Variants in TUFM observed in about 807,000 individuals in gnomAD.
TUFM encodes Tu translation elongation factor, mitochondrial.
A neutral mutation model predicts 45.0 loss-of-function variants in TUFM; 23 were observed. The ratio of observed to expected loss-of-function variants is 0.51; its 90% CI spans 0.37 to 0.72. The LOEUF (loss-of-function observed/expected upper bound fraction) is 0.72, where lower values mean the gene tolerates loss of function less well. TUFM is among the 30% of genes least tolerant of loss of function. The pLI is 0.00. For synonymous variants in TUFM, 243 were observed against 252.9 expected (o/e 0.96, Z 0.37); for missense variants, 490 against 610.7 (o/e 0.80, Z 2.08).
chr16:28,843,000 T>C lies in TUFM; in HGVS notation c.1343A>G (p.Glu448Gly), dbSNP rs940014270. Reference protein sequence around the residue: ...LVTNTLAMTEEEKNIKWG With the variant: ...LVTNTLAMTEGEKNIKWG ...TCAACCCCATTTGATATTCTTCTCC[T>C]CCTCAGTCATGGCCAGCGTGTTGGT... Residue 448 changes from glutamate to glycine, a missense_variant, in exon 10 of 10, where the codon GAG becomes GGG. Transcript: ENST00000313511. 1 of 1,614,174 alleles carries C rather than the reference T, an allele frequency of 6.2e-7. No individual in the cohort carries two copies. Among genetic ancestry groups the C allele is most frequent in the South Asian group, 1.1e-5 (1 of 91,074 alleles).
Position 28,844,911 on chromosome 16 carries a change from C to T in TUFM, c.519+40G>A. On this transcript the variant is annotated intron_variant, in intron 4 of 9. Coordinates refer to ENST00000313511, the MANE Select transcript of TUFM (RefSeq NM_003321.5). This position sits in a 1 kb window ranked among gnomAD's most constrained non-coding sequence, Gnocchi z 5.8. ...ACAATATACAGAGGGGCCCAACTCC[C>T]CACTCTTCCCTTTTGCATCCTTACC... 7 of 1,614,114 alleles carry T rather than the reference C, an allele frequency of 4.3e-6. No individual in the cohort carries two copies. The highest frequency in any genetic ancestry group is 5.9e-6 in the Non-Finnish European group (7 of 1,180,000).
In TUFM at chr16:28,842,841, G is replaced by T; in HGVS notation, c.*134C>A. ...CCCAGCCAGGCAGGCCAACCCTTCCGAGCAGGGGAAATGTCCATCTAGCTG... is the reference window on the plus strand; with the variant it reads ...CCCAGCCAGGCAGGCCAACCCTTCCTAGCAGGGGAAATGTCCATCTAGCTG... On this transcript the variant is annotated 3_prime_UTR_variant, in exon 10 of 10. Transcript: ENST00000313511. The T allele has an allele frequency of 8.3e-7, 1 of 1,211,918 alleles. No individual in the cohort carries two copies. The highest frequency in any genetic ancestry group is 1.2e-6 in the Non-Finnish European group (1 of 823,938). The allele number at this position is 1,211,918 out of a possible 1,614,324, so 75.1% of individuals were successfully genotyped here. A position where few individuals can be genotyped will look rare whatever the true frequency, so the allele number is the denominator to read the frequency against.
At position 28,845,986 on chromosome 16, in the gene TUFM, T is replaced by C. The variant is rs1330896867; in HGVS notation, c.173A>G (p.Lys58Arg). 1.9e-6 allele frequency: 3 copies of C among 1,614,084 alleles called. No individual in the cohort carries two copies. The highest frequency in any genetic ancestry group is 1.7e-6 in the Non-Finnish European group (2 of 1,180,032). Residue 58 changes from lysine to arginine, a missense_variant, in exon 2 of 10, where the codon AAG becomes AGG. Physicochemically the swap from Lys to Arg is conservative, Grantham distance 26. Coordinates refer to ENST00000313511, the MANE Select transcript of TUFM (RefSeq NM_003321.5). ...VEAKKTYVRD[K>R]PHVNVGTIGH... ...GATGGTACCCACATTCACATGTGGC[T>C]TGTCGCGCACGTAAGTCTTCTTGGC...
At position 28,846,250 on chromosome 16, in the gene TUFM, G is replaced by C; in HGVS notation, c.20C>G (p.Ala7Gly). 2 of 1,565,004 alleles carry C rather than the reference G, an allele frequency of 1.3e-6. No individual in the cohort carries two copies. Among genetic ancestry groups the C allele is most frequent in the South Asian group, 1.2e-5 (1 of 85,794 alleles). Residue 7 changes from alanine (A) to glycine (G), a missense_variant, in exon 1 of 10, where the codon GCC becomes GGC. Physicochemically the swap from Ala to Gly is moderately conservative, Grantham distance 60 (BLOSUM62 0). Coordinates refer to ENST00000313511, the MANE Select transcript of TUFM (RefSeq NM_003321.5). MTTMAAATLLRATPHFS... is the reference protein window; with the variant it reads MTTMAAGTLLRATPHFS... Reference sequence around the variant, plus strand: ...GTGGGGCGTCGCGCGCAGCAGGGTGGCGGCCGCCATTGTGGTCATACTCGC... The same window carrying C: ...GTGGGGCGTCGCGCGCAGCAGGGTGCCGGCCGCCATTGTGGTCATACTCGC...
At position 28,842,765 on chromosome 16, in the gene TUFM, A is replaced by G. The variant is rs1961834328; in HGVS notation, c.*210T>C. 3.0e-6 allele frequency: 2 copies of G among 656,448 alleles called. No homozygotes were observed. Among genetic ancestry groups the G allele is most frequent in the African/African-American group, 1.8e-5 (1 of 55,804 alleles). The allele number at this position is 656,448 out of a possible 1,614,324, so 40.7% of individuals were successfully genotyped here. A position where few individuals can be genotyped will look rare whatever the true frequency, so the allele number is the denominator to read the frequency against. ...TCCTCCCCTATCCTCTCCAATTTGC[A>G]CAAAGGACACAGGACACAGGCTGGC... is the stretch of plus-strand genomic sequence containing the variant. On this transcript the variant is annotated 3_prime_UTR_variant, in exon 10 of 10. Transcript: ENST00000313511.
At chr16:28,845,176 A>G in intron 3 of TUFM, 121 bp from the exon 4 acceptor site, 1 of 1,562,356 alleles carries the variant, frequency 6.4e-7, no homozygotes, top group Non-Finnish European at 8.8e-7. Context: ...CTCACCACCC[A>G]TTCTGCGTGG....
Position 28,844,443 on chromosome 16 carries a change from C to A in TUFM, c.793G>T (p.Val265Leu). ...CCAGGGACGGAGTACACCGCCTCCA[C>A]AGGCAGCAGGAAAGGCTTCTCCAGG... is the stretch of plus-strand genomic sequence containing the variant. ...RDLEKPFLLP[V>L]EAVYSVPGRG... Residue 265 changes from valine to leucine, a missense_variant, in exon 6 of 10, where the codon GTG becomes TTG. Transcript: ENST00000313511. The surrounding 1 kb of genome is among the most constrained non-coding windows in gnomAD (Gnocchi z 5.8). The A allele has an allele frequency of 6.2e-7, 1 of 1,614,198 alleles. No homozygotes were observed. Among genetic ancestry groups the A allele is most frequent in the South Asian group, 1.1e-5 (1 of 91,080 alleles).
At position 28,844,117 on chromosome 16, in the gene TUFM, A is replaced by G. The variant is rs765178216; in HGVS notation, c.923-16T>C. The G allele has an allele frequency of 5.0e-6, 8 of 1,614,114 alleles. No homozygotes were observed. Among genetic ancestry groups the G allele is most frequent in the South Asian group, 1.1e-5 (1 of 91,080 alleles). ...ATCTCAATGCCTAGGACGGAAAGGG[A>G]AAAGGAGCAGGGAGAAGGAAGGCGA... On this transcript the variant is annotated splice_polypyrimidine_tract_variant and intron_variant, in intron 7 of 9. Transcript: ENST00000313511. The surrounding 1 kb of genome is among the most constrained non-coding windows in gnomAD (Gnocchi z 5.8).
In TUFM at chr16:28,843,103, G is replaced by A; in HGVS notation, c.1240C>T (p.Arg414Trp). The A allele has an allele frequency of 8.1e-6, 13 of 1,614,196 alleles. No homozygotes were observed. The highest frequency in any genetic ancestry group is 1.1e-5 in the Non-Finnish European group (13 of 1,180,044). The change falls in exon 10 of 10, where the codon CGG becomes TGG. Residue 414 changes from arginine (R) to tryptophan (W), a missense_variant. Physicochemically the swap from Arg to Trp is moderately radical, Grantham distance 101. Transcript: ENST00000313511. ...GEDLKFNLIL[R>W]QPMILEKGQR... ...CCTTTCTCTAAGATCATTGGCTGCCGCAAGATTAGGTTGAACTTCAGGTCC... is the reference window on the plus strand; with the variant it reads ...CCTTTCTCTAAGATCATTGGCTGCCACAAGATTAGGTTGAACTTCAGGTCC...
rs1450884426 is a variant in TUFM, at chr16:28,843,971, G to A, written c.1053C>T (p.Pro351=). ...LVMVKPGSIK[P]HQKVEAQVYI... ...TCACCTGGGCCTCCACCTTCTGGTG[G>A]GGCTTGATGGAACCTGGCTTGACCA... Residue 351 remains proline (P), a synonymous_variant, in exon 8 of 10, where the codon CCC becomes CCT. Transcript: ENST00000313511. 6.2e-7 allele frequency: 1 copy of A among 1,614,170 alleles called. No homozygotes were observed. Among genetic ancestry groups the A allele is most frequent in the Non-Finnish European group, 8.5e-7 (1 of 1,180,016 alleles).
Position 28,843,738 on chromosome 16 carries a change from T to C in TUFM, c.1192A>G (p.Lys398Glu). Residue 398 changes from lysine to glutamate, a missense_variant and splice_region_variant, in exon 9 of 10, where the codon AAG becomes GAG. By Grantham distance (56) the Lys-to-Glu change is moderately conservative. Coordinates refer to ENST00000313511, the MANE Select transcript of TUFM (RefSeq NM_003321.5). ...TACATTCCTCCCACCCACCGTACCT[T>C]CTCTGGGGGCAGGATAATCCGACAG... ...MACRIILPPEKELAMPGEDLK... is the reference protein window; with the variant it reads ...MACRIILPPEEELAMPGEDLK... The C allele has an allele frequency of 6.2e-7, 1 of 1,612,760 alleles. No individual in the cohort carries two copies. Among genetic ancestry groups the C allele is most frequent in the Non-Finnish European group, 8.5e-7 (1 of 1,179,904 alleles).
In TUFM at chr16:28,843,759, G is replaced by A; in HGVS notation, c.1171C>T (p.Arg391Trp). The A allele has an allele frequency of 3.7e-6, 6 of 1,613,284 alleles. No individual in the cohort carries two copies. Among genetic ancestry groups the A allele is most frequent in the Non-Finnish European group, 5.1e-6 (6 of 1,179,960 alleles). ...ACCTTCTCTGGGGGCAGGATAATCC[G>A]ACAGGCCATGTCCCAAGTCAGGGAG... ...MFSLTWDMAC[R>W]IILPPEKELA... Residue 391 changes from arginine (R) to tryptophan (W), a missense_variant, in exon 9 of 10, where the codon CGG (arginine) becomes TGG (tryptophan). Physicochemically the swap from Arg to Trp is moderately radical, Grantham distance 101. Transcript: ENST00000313511.
Position 28,845,560 on chromosome 16 carries a change from C to T in TUFM, c.248-80G>A. 5 of 1,534,606 alleles carry T rather than the reference C, an allele frequency of 3.3e-6. No individual in the cohort carries two copies. The South Asian group carries it at 3.4e-5, about 10-fold the overall frequency. ...GCTTAGACCACGCCCCTGAACCCTC[C>T]CACCTAAATACATAACCTCCTCCAA... On this transcript the variant is annotated intron_variant, in intron 2 of 9. Transcript: ENST00000313511.
At position 28,843,132 on chromosome 16, in the gene TUFM, C is replaced by T; in HGVS notation, c.1211G>A (p.Gly404Glu). Residue 404 changes from glycine to glutamate, a missense_variant, in exon 10 of 10, where the codon GGG (glycine) becomes GAG (glutamate). By Grantham distance (98) the Gly-to-Glu change is moderately conservative. Transcript: ENST00000313511. The part of the protein sequence containing the change: ...LPPEKELAMP[G>E]EDLKFNLILR... ...GATTAGGTTGAACTTCAGGTCCTCCCCGGGCATGGCAAGCTCCTAGAGTAG... is the reference window on the plus strand; with the variant it reads ...GATTAGGTTGAACTTCAGGTCCTCCTCGGGCATGGCAAGCTCCTAGAGTAG... The T allele has an allele frequency of 6.2e-7, 1 of 1,614,180 alleles. No individual in the cohort carries two copies. Among genetic ancestry groups the T allele is most frequent in the Non-Finnish European group, 8.5e-7 (1 of 1,180,030 alleles).
intron 3 of TUFM, 48 bp from the exon 4 acceptor site, chr16:28,845,103 G>A (rs745485249): frequency 2.5e-6 from 4 of 1,601,816 alleles, no homozygotes; most frequent in East Asian, 4.5e-5. Context: ...GAGCTCTTCA[G>A]TTCACATCCA....
At position 28,844,597 on chromosome 16, in the gene TUFM, C is replaced by A. The variant is rs779912290; in HGVS notation, c.685-46G>T. The stretch of plus-strand genomic sequence containing the variant: ...GACTCTGAAATCCCCATTCTACTTC[C>A]CTCGATTATCAAGAGCCACTTCCCA... On this transcript the variant is annotated intron_variant, in intron 5 of 9. Coordinates refer to ENST00000313511, the MANE Select transcript of TUFM (RefSeq NM_003321.5). This position sits in a 1 kb window ranked among gnomAD's most constrained non-coding sequence, Gnocchi z 5.8. 1 of 1,613,180 alleles carries A rather than the reference C, an allele frequency of 6.2e-7. No homozygotes were observed. Among genetic ancestry groups the A allele is most frequent in the East Asian group, 2.2e-5 (1 of 44,878 alleles).
At chr16:28,843,701 C>T in intron 9 of TUFM, 35 bp downstream of exon 9, 3 of 1,611,568 alleles carry the variant, frequency 1.9e-6, no homozygotes, top group South Asian at 2.2e-5. Context: ...ATAAAAAGTC[C>T]CCCCTCCACC....
chr16:28,843,975 T>C lies in TUFM; in HGVS notation c.1049A>G (p.Lys350Arg), dbSNP rs774039518. The C allele has an allele frequency of 1.9e-6, 3 of 1,614,150 alleles. No homozygotes were observed. In the East Asian group the frequency reaches 6.7e-5, roughly 36 times the overall value. The change falls in exon 8 of 10, where the codon AAG becomes AGG. Residue 350 changes from lysine (K) to arginine (R), a missense_variant. Transcript: ENST00000313511. ...GLVMVKPGSI[K>R]PHQKVEAQVY... Reference sequence around the variant, plus strand: ...CTGGGCCTCCACCTTCTGGTGGGGCTTGATGGAACCTGGCTTGACCATGAC... The same window carrying C: ...CTGGGCCTCCACCTTCTGGTGGGGCCTGATGGAACCTGGCTTGACCATGAC...
Position 28,845,341 on chromosome 16 carries a change from G to T in TUFM, c.387C>A (p.Asp129Glu). The change falls in exon 3 of 10, where the codon GAC becomes GAA. Residue 129 changes from aspartate (D) to glutamate (E), a missense_variant. Transcript: ENST00000313511. ...TAACATAATCTGCATGACCCGGGCA[G>T]TCTGTGTGGGCGTAGTGGCGGGCGG... is the stretch of plus-strand genomic sequence containing the variant. ...STAARHYAHT[D>E]CPGHADYVKN... The T allele has an allele frequency of 6.2e-7, 1 of 1,614,166 alleles. No homozygotes were observed.
Sources: gnomAD v4.1 joint callset for allele counts on GRCh38, gnomAD v4.1.1 for gene constraint, Gnocchi (gnomAD v3.1) non-coding constraint, MANE v1.5 for transcripts, NCBI Gene and HGNC (gene_info 2026-07-23, HGNC 2026-07-21) for gene names.